Variants in CDH13 observed in about 807,000 individuals in gnomAD.
The protein encoded by CDH13 is cadherin 13.
In CDH13, 24 loss-of-function variants were observed where a neutral mutation model predicts 63.8. The ratio of observed to expected loss-of-function variants is 0.38; its 90% CI spans 0.27 to 0.53. The LOEUF is 0.53. CDH13 is among the 20% of genes least tolerant of loss of function. The pLI is 0.85. For synonymous variants in CDH13, 503 were observed against 355.3 expected (o/e 1.42, Z -4.67); for missense variants, 1,049 against 903.1 (o/e 1.16, Z -2.07).
At chr16:83,517,616 G>C (rs903138162) in intron 7 of CDH13, among the ~76,000 whole-genome samples, 4 of 152,194 alleles carry the variant, frequency 2.6e-5, no homozygotes, top group Non-Finnish European at 4.4e-5. Flanking sequence ...AAATGTGAGG[G>C]AACACGTGGG....
intron 7 of CDH13, among the ~76,000 whole-genome samples, chr16:83,594,556 A>G (rs938987350): frequency 6.6e-6 from 1 of 152,234 alleles, no homozygotes; most frequent in African/African-American, 2.4e-5. Context: ...AGCAAGAACT[A>G]GAGGTGAAAC....
At chr16:83,451,060 C>T (rs748627721) in intron 6 of CDH13, among the ~76,000 whole-genome samples, 6 of 152,178 alleles carry the variant, frequency 3.9e-5, no homozygotes, top group African/African-American at 1.4e-4. Context: ...CCCAGTGATG[C>T]TGCTGGTCTG....
intron 6 of CDH13, among the ~76,000 whole-genome samples, chr16:83,370,424 A>G (rs186334783): frequency 4.0e-5 from 6 of 149,730 alleles, no homozygotes; most frequent in Admixed American, 6.6e-5. Flanking sequence ...TTTCAGTTCT[A>G]TCTTCTTTTT....
chr16:83,690,920 C>T (rs2150890901), intron 10 of CDH13, among the ~76,000 whole-genome samples: 1 of 152,184 alleles, frequency 6.6e-6, no homozygotes, highest in Admixed American at 6.5e-5. Flanking sequence ...TGGGGCTTCA[C>T]CATGTTGTCC....
At chr16:82,717,433 C>CG (rs2032450501) in intron 1 of CDH13, among the ~76,000 whole-genome samples, 1 of 65,216 alleles carries the variant, frequency 1.5e-5, no homozygotes, top group South Asian at 4.5e-4. Flanking sequence ...GAGACTTTGC[C>CG]TAAAAAAAAA....
chr16:83,088,400 C>T (rs1020609873), intron 3 of CDH13, among the ~76,000 whole-genome samples: 4 of 152,120 alleles, frequency 2.6e-5, no homozygotes, highest in Non-Finnish European at 5.9e-5. Context: ...ATTTGCAATC[C>T]CCTTTATTTT....
intron 10 of CDH13, among the ~76,000 whole-genome samples, chr16:83,734,393 G>C (rs547915116): frequency 6.6e-6 from 1 of 152,116 alleles, no homozygotes; most frequent in Non-Finnish European, 1.5e-5. Flanking sequence ...CTGAAATGAG[G>C]GGTTGATGCA....
chr16:83,025,774 C>T (rs1381758712), intron 2 of CDH13, among the ~76,000 whole-genome samples: 1 of 152,188 alleles, frequency 6.6e-6, no homozygotes, highest in Non-Finnish European at 1.5e-5. Context: ...CCAACCTCTA[C>T]TCTTTTCCAG....
chr16:83,649,935 G>C (rs1483905207), intron 8 of CDH13, among the ~76,000 whole-genome samples: 3 of 152,196 alleles, frequency 2.0e-5, no homozygotes, highest in African/African-American at 4.8e-5. Context: ...ATAGGGAGGG[G>C]AAAATGGATG....
intron 5 of CDH13, among the ~76,000 whole-genome samples, chr16:83,300,127 T>C (rs996786594): frequency 2.0e-5 from 3 of 152,168 alleles, no homozygotes; most frequent in Admixed American, 6.5e-5. Context: ...AGAGGGTGAG[T>C]ACCAGGAAGC....
chr16:82,801,121 G>C (rs865861598), intron 1 of CDH13, among the ~76,000 whole-genome samples: 2 of 152,132 alleles, frequency 1.3e-5, no homozygotes, highest in Non-Finnish European at 2.9e-5. Flanking sequence ...TTGTTCTTAA[G>C]AAACAGAAAG....
intron 3 of CDH13, among the ~76,000 whole-genome samples, chr16:83,070,657 C>G (rs911708737): frequency 9.2e-5 from 14 of 152,132 alleles, no homozygotes; most frequent in African/African-American, 3.4e-4. Context: ...CTGGACAATG[C>G]TGAGACGCCC....
intron 10 of CDH13, among the ~76,000 whole-genome samples, chr16:83,741,078 C>CAGTA (rs952393126): frequency 2.0e-4 from 30 of 152,208 alleles, no homozygotes; most frequent in Admixed American, 1.5e-3. Context: ...AGGAAGAGAA[C>CAGTA]AGTACCCTGG....
At chr16:83,303,836 C>T (rs932555168) in intron 5 of CDH13, among the ~76,000 whole-genome samples, 1 of 152,154 alleles carries the variant, frequency 6.6e-6, no homozygotes, top group African/African-American at 2.4e-5. Flanking sequence ...CCTTAAACTA[C>T]ACCTTGGCAA....
At chr16:83,127,783 C>G (rs546200025) in intron 4 of CDH13, among the ~76,000 whole-genome samples, 1 of 152,276 alleles carries the variant, frequency 6.6e-6, no homozygotes, top group East Asian at 1.9e-4. Context: ...AAGTGCTAAT[C>G]CAATATCCTG....
chr16:83,491,488 C>A (rs56399923), intron 7 of CDH13, among the ~76,000 whole-genome samples: 185 of 151,654 alleles, frequency 1.2e-3, no homozygotes, highest in Non-Finnish European at 2.3e-3. Flanking sequence ...GGCTGCTAGA[C>A]TGAAATTCAT....
chr16:83,631,323 T>A (rs77663027), intron 8 of CDH13, among the ~76,000 whole-genome samples: 8,540 of 151,416 alleles, frequency 0.056, 334 homozygotes, highest in Non-Finnish European at 0.084. Flanking sequence ...CTTCTTGGGT[T>A]TGGGGCTTTA....
chr16:83,247,262 G>A (rs1905072648), intron 5 of CDH13, among the ~76,000 whole-genome samples: 1 of 152,170 alleles, frequency 6.6e-6, no homozygotes, highest in South Asian at 2.1e-4. Flanking sequence ...TCCAGGACAG[G>A]CTGTGAGTAC....
At chr16:83,474,293 T>G (rs555993245) in intron 6 of CDH13, among the ~76,000 whole-genome samples, 5 of 152,288 alleles carry the variant, frequency 3.3e-5, no homozygotes, top group Non-Finnish European at 7.4e-5. Flanking sequence ...TCAGCCCATT[T>G]TACAGATAAG....
Sources: gnomAD v4.1 joint callset for allele counts (sites outside exome capture counted in the v4.1 genomes callset) on GRCh38, gnomAD v4.1.1 for gene constraint, MANE v1.5 for transcripts, NCBI Gene and HGNC (gene_info 2026-07-23, HGNC 2026-07-21) for gene names.